The following FMN1 variants were observed in gnomAD, a reference collection of about 807,000 sequenced individuals.
FMN1 encodes formin 1.
A neutral mutation model predicts 132.4 loss-of-function variants in FMN1; 110 were observed. The ratio of observed to expected loss-of-function variants is 0.83; its 90% CI spans 0.71 to 0.97. The LOEUF (loss-of-function observed/expected upper bound fraction) is 0.97. Ranked by LOEUF, FMN1 falls within the 50% of genes least tolerant of loss-of-function variation. FMN1 has a pLI of 0.00. For missense variants in FMN1, 1,792 were observed against 1,705.3 expected (o/e 1.05, Z -0.90); for synonymous variants, 722 against 651.7 (o/e 1.11, Z -1.64).
chr15:33,107,809 T>A (rs2140108629), intron 4 of FMN1, among the ~76,000 whole-genome samples: 1 of 152,294 alleles, frequency 6.6e-6, no homozygotes, highest in African/African-American at 2.4e-5. Context: ...ATATCAGATC[T>A]GGTTTTCTTC....
At chr15:33,067,729 C>G in intron 5 of FMN1, 1 of 1,614,018 alleles carries the variant, frequency 6.2e-7, no homozygotes, top group Non-Finnish European at 8.5e-7. Flanking sequence ...CAGCATCTTC[C>G]TCTTCTGGAT....
chr15:33,119,084 G>A lies in FMN1; in HGVS notation c.1868-30110C>T, dbSNP rs1276274764. Among the ~76,000 whole-genome samples the A allele has an allele frequency of 5.3e-5, 8 of 152,258 alleles. No individual in the cohort carries two copies. In the East Asian group the frequency reaches 1.2e-3, roughly 22 times the overall value. ...TATGCGACAAAACAATGACTTTTCAGCTAGAATTCTTCATAGTTCAGCCCA... is the reference window on the plus strand; with the variant it reads ...TATGCGACAAAACAATGACTTTTCAACTAGAATTCTTCATAGTTCAGCCCA... On this transcript the variant is annotated intron_variant, in intron 4 of 20. Coordinates refer to ENST00000616417, the MANE Select transcript of FMN1 (RefSeq NM_001277313.2).
rs77886307 is a variant in FMN1, at chr15:32,933,660, A to G, written c.3139-7399T>C. Among the ~76,000 whole-genome samples, 819 of 152,308 alleles carry G rather than the reference A, an allele frequency of 5.4e-3. 8 individuals are homozygous for G. Among genetic ancestry groups the G allele is most frequent in the African/African-American group, 0.019 (791 of 41,584 alleles). On this transcript the variant is annotated intron_variant, in intron 9 of 20. Transcript: ENST00000616417. ...TTTGGCTTGTACGTTGGGTGCACAT[A>G]TAACTGTTATATCTTCCTGGTGAAT...
rs182792645 is a variant in FMN1 at position 33,175,457 on chromosome 15, A to G, written c.-132+4741T>C. 1.3e-3 allele frequency among the ~76,000 whole-genome samples: 200 copies of G among 151,886 alleles called. 2 individuals carry two copies. Among genetic ancestry groups the G allele is most frequent in the Middle Eastern group, 3.4e-3 (1 of 294 alleles). On this transcript the variant is annotated intron_variant, in intron 3 of 20. Transcript: ENST00000616417. ...GAAAGAATTGACATTCTGGAAGAAA[A>G]CCTCCTCACTCTTCTAAGTTTTACC...
intron 6 of FMN1, chr15:33,063,851 T>C (rs2037594997): frequency 1.3e-5 from 2 of 152,188 alleles, no homozygotes; most frequent in Admixed American, 6.6e-5. Context: ...CCTTATGCTG[T>C]TCATTCTTAC....
At chr15:33,055,195 C>G (rs1196044611) in intron 6 of FMN1, among the ~76,000 whole-genome samples, 1 of 152,168 alleles carries the variant, frequency 6.6e-6, no homozygotes, top group Non-Finnish European at 1.5e-5. Context: ...AAACCTTGGT[C>G]TCCACAACCC....
chr15:32,832,766 C>G (rs190876797), intron 17 of FMN1, among the ~76,000 whole-genome samples: 433 of 152,078 alleles, frequency 2.8e-3, no homozygotes, highest in Non-Finnish European at 4.8e-3. Context: ...GAAGGAAGAG[C>G]TTTTTGAGAT....
At chr15:32,999,593 T>A (rs1277301709) in intron 7 of FMN1, among the ~76,000 whole-genome samples, 1 of 152,226 alleles carries the variant, frequency 6.6e-6, no homozygotes, top group African/African-American at 2.4e-5. Context: ...GCAGGGGGCC[T>A]GCCAGAGGCC....
chr15:33,098,364 CCTGAATG>C (rs756065497), intron 4 of FMN1, among the ~76,000 whole-genome samples: 43 of 152,300 alleles, frequency 2.8e-4, no homozygotes, highest in Middle Eastern at 3.4e-3. Flanking sequence ...CCACATGCTT[CCTGAATG>C]CTGAATGCTG....
chr15:32,901,680 TAA>T (rs1485818239), intron 13 of FMN1, among the ~76,000 whole-genome samples: 1 of 152,176 alleles, frequency 6.6e-6, no homozygotes, highest in South Asian at 2.1e-4. Flanking sequence ...AAGGAATCTG[TAA>T]AAGTGTCATT....
intron 15 of FMN1, among the ~76,000 whole-genome samples, chr15:32,897,586 G>T (rs558021268): frequency 6.6e-6 from 1 of 152,320 alleles, no homozygotes; most frequent in East Asian, 1.9e-4. Context: ...CAGAATACGT[G>T]TAGAGGGAAA....
intron 9 of FMN1, among the ~76,000 whole-genome samples, chr15:32,937,157 T>C (rs953827881): frequency 1.3e-5 from 2 of 152,122 alleles, no homozygotes; most frequent in East Asian, 3.9e-4. Context: ...GCATACTAAT[T>C]CATATCATCA....
chr15:33,127,952 AGAAAGGAAAGAAAGGG>A (rs1963263665), intron 4 of FMN1, among the ~76,000 whole-genome samples: 1 of 152,144 alleles, frequency 6.6e-6, no homozygotes, highest in Non-Finnish European at 1.5e-5. Flanking sequence ...ACAGGACAGG[AGAAAGGAAAGAAAGGG>A]GAAAGGAAGG....
chr15:32,849,313 G>A (rs540562907), intron 17 of FMN1, among the ~76,000 whole-genome samples: 5 of 151,772 alleles, frequency 3.3e-5, no homozygotes, highest in African/African-American at 1.2e-4. Context: ...ATTCTTATTT[G>A]TTCTCACTGT....
At chr15:32,959,951 C>CA (rs1263055515) in intron 9 of FMN1, among the ~76,000 whole-genome samples, 2 of 152,184 alleles carry the variant, frequency 1.3e-5, no homozygotes, top group Non-Finnish European at 2.9e-5. Flanking sequence ...CTGGTGAGTT[C>CA]AGGCAAGCCT....
At chr15:33,035,109 T>C (rs762190391) in intron 6 of FMN1, among the ~76,000 whole-genome samples, 41 of 152,238 alleles carry the variant, frequency 2.7e-4, no homozygotes, top group Non-Finnish European at 4.1e-4. Flanking sequence ...GGTGTCAACA[T>C]ATTTTTAATT....
At chr15:32,831,024 T>A (rs2058488021) in intron 17 of FMN1, among the ~76,000 whole-genome samples, 1 of 152,180 alleles carries the variant, frequency 6.6e-6, no homozygotes, top group African/African-American at 2.4e-5. Flanking sequence ...ACCCCCATGC[T>A]GGATTCTTAA....
intron 19 of FMN1, among the ~76,000 whole-genome samples, chr15:32,785,218 A>ATATATATATT (rs1444523400): frequency 9.9e-4 from 39 of 39,196 alleles, no homozygotes; most frequent in African/African-American, 4.1e-3. Flanking sequence ...ATATATATAT[A>ATATATATATT]TTTTTTTTTT....
At chr15:33,112,636 A>G (rs529687400) in intron 4 of FMN1, among the ~76,000 whole-genome samples, 39 of 152,216 alleles carry the variant, frequency 2.6e-4, no homozygotes, top group African/African-American at 9.4e-4. Context: ...ATTCCAGCTC[A>G]TCAACTGACT....
Sources: gnomAD v4.1 joint callset for allele counts (sites outside exome capture counted in the v4.1 genomes callset) on GRCh38, gnomAD v4.1.1 for gene constraint, MANE v1.5 for transcripts, NCBI Gene and HGNC (gene_info 2026-07-23, HGNC 2026-07-21) for gene names.